The following GRIN2B variants were observed in gnomAD, a reference collection of about 807,000 sequenced individuals.
The protein encoded by GRIN2B is glutamate receptor ionotropic, NMDA 2B.
A neutral mutation model predicts 114.5 loss-of-function variants in GRIN2B; 5 were observed. The ratio of observed to expected loss-of-function variants is 0.04; its 90% CI spans 0.02 to 0.09. GRIN2B has a LOEUF of 0.09. GRIN2B is among the 10% of genes least tolerant of loss of function. The pLI is 1.00. For missense variants in GRIN2B, 1,108 were observed against 1,943.5 expected (o/e 0.57, Z 8.08); for synonymous variants, 787 against 745.1 (o/e 1.06, Z -0.92).
At chr12:13,957,722 G>T (rs1371494797) in intron 2 of GRIN2B, among the ~76,000 whole-genome samples, 1 of 152,188 alleles carries the variant, frequency 6.6e-6, no homozygotes, top group Admixed American at 6.5e-5. Context: ...CAGCACAGCA[G>T]TCGGCTCCCT....
chr12:13,891,734 G>A (rs1866266277), intron 2 of GRIN2B, among the ~76,000 whole-genome samples: 1 of 152,084 alleles, frequency 6.6e-6, no homozygotes, highest in African/African-American at 2.4e-5. Context: ...CCTTAGAATG[G>A]TGAATTATAG....
In GRIN2B at chr12:13,883,233, G is replaced by A. The variant is rs150841639; in HGVS notation, c.-18-17007C>T. On this transcript the variant is annotated intron_variant, in intron 2 of 13. Coordinates refer to ENST00000609686, the MANE Select transcript of GRIN2B (RefSeq NM_000834.5). The stretch of plus-strand genomic sequence containing the variant: ...CTATAATGTTCACATATGGTCTGTA[G>A]TGTGGATATATGTTTTTGCTTTTCT... 7.9e-5 allele frequency among the ~76,000 whole-genome samples: 12 copies of A among 152,298 alleles called. No homozygotes were observed. The East Asian group carries it at 2.3e-3, about 29-fold the overall frequency.
chr12:13,642,716 G>C (rs1949731202), intron 5 of GRIN2B, among the ~76,000 whole-genome samples: 1 of 152,076 alleles, frequency 6.6e-6, no homozygotes. Context: ...TTTGAATGCT[G>C]GTTATGTGTC....
chr12:13,893,601 T>C (rs1331853928), intron 2 of GRIN2B, among the ~76,000 whole-genome samples: 1 of 152,136 alleles, frequency 6.6e-6, no homozygotes, highest in Non-Finnish European at 1.5e-5. Flanking sequence ...GACCTGGAAA[T>C]CTGTGAAAAG....
rs1027103284 is a variant in GRIN2B, at chr12:13,539,379, C to T, written c.*23404G>A. 5 of 152,202 alleles carry T rather than the reference C, an allele frequency of 3.3e-5. No individual in the cohort carries two copies. In the East Asian group the frequency reaches 9.6e-4, roughly 29 times the overall value. The allele number at this position is 152,202 out of a possible 1,614,324, so 9.4% of individuals were successfully genotyped here. On this transcript the variant is annotated 3_prime_UTR_variant, in exon 14 of 14. Coordinates refer to ENST00000609686, the MANE Select transcript of GRIN2B (RefSeq NM_000834.5). ...AATAAAGTGATGTTGAAATGTGCCTCATGATTGGCATGTGAAAAGCTAAAT... is the reference window on the plus strand; with the variant it reads ...AATAAAGTGATGTTGAAATGTGCCTTATGATTGGCATGTGAAAAGCTAAAT...
intron 5 of GRIN2B, among the ~76,000 whole-genome samples, chr12:13,655,572 A>T (rs1270171195): frequency 6.6e-6 from 1 of 152,174 alleles, no homozygotes; most frequent in African/African-American, 2.4e-5. Flanking sequence ...AGGTCAGCAT[A>T]GTCTCTGGAA....
In GRIN2B at chr12:13,566,899, A is replaced by G. The variant is rs2136409236; in HGVS notation, c.2598+126T>C. The G allele has an allele frequency of 2.0e-5, 15 of 756,740 alleles. No individual in the cohort carries two copies. The South Asian group carries it at 2.0e-4, about 10-fold the overall frequency. 46.9% of individuals were successfully genotyped at this position (756,740 alleles called of 1,614,324 possible). ...CACACAAACTCCTAAGAAAACATAC[A>G]TGATGTGGTTTCTTGCTTGAGCAAC... is the stretch of plus-strand genomic sequence containing the variant. On this transcript the variant is annotated intron_variant, in intron 13 of 13. Coordinates refer to ENST00000609686, the MANE Select transcript of GRIN2B (RefSeq NM_000834.5).
chr12:13,648,310 A>G (rs970183458), intron 5 of GRIN2B, among the ~76,000 whole-genome samples: 5 of 152,052 alleles, frequency 3.3e-5, no homozygotes, highest in Non-Finnish European at 5.9e-5. Context: ...TGAGTTTTAC[A>G]TAGCTCTCAC....
rs1172217808 is a variant in GRIN2B, at chr12:13,566,483, C to T, written c.2598+542G>A. Among the ~76,000 whole-genome samples, 7 of 152,302 alleles carry T rather than the reference C, an allele frequency of 4.6e-5. No homozygotes were observed. The East Asian group carries it at 7.7e-4, about 17-fold the overall frequency. The stretch of plus-strand genomic sequence containing the variant: ...ATGACCTAAGAGTTTTACTCTTGCT[C>T]CAACTAGGGAAGTTTCTGGAATGTA... On this transcript the variant is annotated intron_variant, in intron 13 of 13. Transcript: ENST00000609686.
intron 4 of GRIN2B, among the ~76,000 whole-genome samples, chr12:13,751,516 T>C (rs1341665919): frequency 6.6e-6 from 1 of 152,082 alleles, no homozygotes; most frequent in Admixed American, 6.5e-5. Flanking sequence ...GGGCAAACAG[T>C]ACGATTGACT....
At chr12:13,590,077 CTA>C (rs1948985540) in intron 10 of GRIN2B, among the ~76,000 whole-genome samples, 1 of 151,994 alleles carries the variant, frequency 6.6e-6, no homozygotes, top group Non-Finnish European at 1.5e-5. Flanking sequence ...TGCAATGAAA[CTA>C]AGGCTCTTCT....
At position 13,823,978 on chromosome 12, in the gene GRIN2B, G is replaced by A. The variant is rs113111097; in HGVS notation, c.411+41820C>T. Among the ~76,000 whole-genome samples, 829 of 152,152 alleles carry A rather than the reference G, an allele frequency of 5.4e-3. 3 individuals carry two copies. The highest frequency in any genetic ancestry group is 7.2e-3 in the Non-Finnish European group (491 of 67,986). On this transcript the variant is annotated intron_variant, in intron 3 of 13. Transcript: ENST00000609686. ...TGTTAAACCAACACAGTGTTACTGG[G>A]ATAAACACCTCTTAGATATGATGTA...
At chr12:13,661,754 C>T (rs1239637537) in intron 5 of GRIN2B, among the ~76,000 whole-genome samples, 1 of 152,142 alleles carries the variant, frequency 6.6e-6, no homozygotes, top group Non-Finnish European at 1.5e-5. Context: ...CAAAGGCGGC[C>T]CCGCAGAATG....
At chr12:13,852,989 C>G (rs1340725475) in intron 3 of GRIN2B, among the ~76,000 whole-genome samples, 1 of 152,114 alleles carries the variant, frequency 6.6e-6, no homozygotes, top group Non-Finnish European at 1.5e-5. Context: ...CAACAGCAAC[C>G]AAAACACTTT....
intron 4 of GRIN2B, chr12:13,683,806 C>T (rs1950152793): frequency 6.6e-6 from 1 of 152,168 alleles, no homozygotes. Flanking sequence ...TAGAATTCTC[C>T]CTATCACAGA....
intron 5 of GRIN2B, among the ~76,000 whole-genome samples, chr12:13,646,984 C>T (rs758854372): frequency 2.6e-5 from 4 of 152,042 alleles, no homozygotes; most frequent in Non-Finnish European, 5.9e-5. Flanking sequence ...CCAGTCAATA[C>T]CCAGTAAGAA....
intron 5 of GRIN2B, among the ~76,000 whole-genome samples, chr12:13,621,607 G>GT (rs759603737): frequency 0.036 from 990 of 27,618 alleles, 126 homozygotes; most frequent in African/African-American, 0.094. Flanking sequence ...AAATTGCCTA[G>GT]TTTTTGTTTT....
intron 3 of GRIN2B, among the ~76,000 whole-genome samples, chr12:13,818,549 CCAAAGCTCCAAGT>C (rs1444258997): frequency 6.6e-5 from 10 of 152,262 alleles, no homozygotes; most frequent in Middle Eastern, 3.4e-3. Context: ...GATTGAGAAG[CCAAAGCTCCAAGT>C]CAAACCTCAT....
chr12:13,608,050 G>C (rs1340017621), intron 10 of GRIN2B, among the ~76,000 whole-genome samples: 2 of 152,164 alleles, frequency 1.3e-5, no homozygotes, highest in Non-Finnish European at 2.9e-5. Context: ...ATTAGTAAGG[G>C]GGCAGCCCAT....
Sources: gnomAD v4.1 joint callset for allele counts (sites outside exome capture counted in the v4.1 genomes callset) on GRCh38, gnomAD v4.1.1 for gene constraint, MANE v1.5 for transcripts, NCBI Gene and HGNC (gene_info 2026-07-23, HGNC 2026-07-21) for gene names.